NAV3: variants seen among roughly 807,000 people sequenced by gnomAD.
NAV3 encodes the protein pore membrane and/or filament interacting like protein 1.
In NAV3, 87 loss-of-function variants were observed where a neutral mutation model predicts 244.7. The observed-to-expected ratio is 0.36, with a 90% CI of 0.30 to 0.42. The LOEUF is 0.42. NAV3 is among the 20% of genes least tolerant of loss of function. The pLI, the probability that NAV3 is intolerant of heterozygous loss-of-function variation, is 1.00. For synonymous variants in NAV3, 1,126 were observed against 1,042.2 expected (o/e 1.08, Z -1.55); for missense variants, 2,663 against 2,893.3 (o/e 0.92, Z 1.83).
chr12:78,176,240 A>T (rs1204314162), intron 25 of NAV3, among the ~76,000 whole-genome samples, 199 bp from the exon 26 acceptor site: 3 of 152,086 alleles, frequency 2.0e-5, no homozygotes, highest in Admixed American at 2.0e-4. Context: ...ACCAAAAAAA[A>T]AATGTAGATT....
intron 1 of NAV3, among the ~76,000 whole-genome samples, chr12:77,859,758 CAAAAAA>C (rs61516625): frequency 4.1e-4 from 28 of 68,732 alleles, no homozygotes; most frequent in African/African-American, 1.2e-3. Context: ...CTTTCAAATG[CAAAAAA>C]AAAAAAAAAA....
At chr12:78,167,564 C>A (rs1259619535) in intron 23 of NAV3, among the ~76,000 whole-genome samples, 1 of 150,150 alleles carries the variant, frequency 6.7e-6, no homozygotes, top group Non-Finnish European at 1.5e-5. Flanking sequence ...ACCAGATATT[C>A]CCATGTATGA....
At chr12:77,613,332 G>T (rs1045398773) in intron 2 of NAV3, among the ~76,000 whole-genome samples, 1 of 152,104 alleles carries the variant, frequency 6.6e-6, no homozygotes. Flanking sequence ...GACCAGCGTT[G>T]CTGGTGTCTA....
chr12:77,913,817 G>T (rs182792695), intron 1 of NAV3, among the ~76,000 whole-genome samples: 7 of 152,208 alleles, frequency 4.6e-5, no homozygotes, highest in African/African-American at 7.2e-5. Context: ...TTCAGACAGA[G>T]AATTTAAAAG....
chr12:77,721,344 G>C (rs1397902829), intron 2 of NAV3, among the ~76,000 whole-genome samples: 1 of 151,752 alleles, frequency 6.6e-6, no homozygotes, highest in Non-Finnish European at 1.5e-5. Context: ...ATTTTGACTG[G>C]TTACTACTTT....
chr12:78,037,227 G>A (rs763034324), intron 9 of NAV3: 1 of 703,012 alleles, frequency 1.4e-6, no homozygotes. Context: ...TAGTAGGTCT[G>A]AAGATGAAAA....
At chr12:77,893,988 T>G (rs1884268393) in intron 1 of NAV3, among the ~76,000 whole-genome samples, 1 of 152,218 alleles carries the variant, frequency 6.6e-6, no homozygotes, top group Non-Finnish European at 1.5e-5. Context: ...CAAGTTATTT[T>G]TGCCTTTCAG....
intron 5 of NAV3, among the ~76,000 whole-genome samples, chr12:77,976,471 G>C (rs759144162): frequency 6.6e-6 from 1 of 151,820 alleles, no homozygotes; most frequent in Non-Finnish European, 1.5e-5. Flanking sequence ...AGCCTGTAAC[G>C]TAGGAAGAAA....
At chr12:77,576,220 G>T (rs907148475) in intron 2 of NAV3, among the ~76,000 whole-genome samples, 1 of 151,886 alleles carries the variant, frequency 6.6e-6, no homozygotes, top group Non-Finnish European at 1.5e-5. Flanking sequence ...AGAAATTATT[G>T]TATTAATTGA....
At chr12:77,639,644 T>C (rs990668874) in intron 2 of NAV3, among the ~76,000 whole-genome samples, 7 of 152,182 alleles carry the variant, frequency 4.6e-5, no homozygotes, top group African/African-American at 1.7e-4. Context: ...GGGTGCTCAG[T>C]GTTGGCTATA....
intron 2 of NAV3, among the ~76,000 whole-genome samples, chr12:77,619,755 CAT>C (rs1871288425): frequency 6.6e-6 from 1 of 151,910 alleles, no homozygotes; most frequent in African/African-American, 2.4e-5. Context: ...TTTATCTTCA[CAT>C]GTGTCTCACG....
At chr12:78,086,892 T>A (rs530400126) in intron 12 of NAV3, among the ~76,000 whole-genome samples, 16 of 152,152 alleles carry the variant, frequency 1.1e-4, no homozygotes, top group African/African-American at 3.9e-4. Context: ...TAATCTTTCA[T>A]GAAGAAGACA....
intron 2 of NAV3, among the ~76,000 whole-genome samples, chr12:77,748,645 C>CA (rs1463172569): frequency 1.1e-4 from 16 of 152,132 alleles, no homozygotes; most frequent in Non-Finnish European, 2.1e-4. Context: ...CAGGAAAAGA[C>CA]AAACACTGAA....
Position 77,831,566 on chromosome 12 carries a change from G to T in NAV3, c.105G>T (p.Gln35His), listed in dbSNP as rs774877836. 6.2e-7 allele frequency: 1 copy of T among 1,614,072 alleles called. No individual in the cohort carries two copies. Among genetic ancestry groups the T allele is most frequent in the South Asian group, 1.1e-5 (1 of 91,076 alleles). ...PIPNLGTTGS[Q>H]HCSSRPLELT... is the part of the protein sequence containing the mutation. ...CAAATCTTGGCACTACTGGGTCACA[G>T]CACTGTTCTTCAAGACCTTTGGAAC... The change falls in exon 1 of 40, where the codon CAG (glutamine) becomes CAT (histidine). Residue 35 changes from glutamine to histidine, a missense_variant. Physicochemically the swap from Gln to His is conservative, Grantham distance 24. Coordinates refer to ENST00000397909, the MANE Select transcript of NAV3 (RefSeq NM_001024383.2).
intron 1 of NAV3, among the ~76,000 whole-genome samples, chr12:77,919,043 G>A (rs1887449940): frequency 6.6e-6 from 1 of 152,000 alleles, no homozygotes; most frequent in African/African-American, 2.4e-5. Flanking sequence ...GAAGCAGAGA[G>A]CCGATTTGAA....
intron 1 of NAV3, among the ~76,000 whole-genome samples, chr12:77,879,417 TA>T (rs1565883729): frequency 6.6e-6 from 1 of 152,076 alleles, no homozygotes; most frequent in Non-Finnish European, 1.5e-5. Context: ...CCTGTATTCC[TA>T]AGACTTTGGG....
intron 1 of NAV3, among the ~76,000 whole-genome samples, chr12:77,922,269 T>C (rs1302061871): frequency 6.6e-6 from 1 of 151,986 alleles, no homozygotes; most frequent in Non-Finnish European, 1.5e-5. Flanking sequence ...TTTTTTTGGG[T>C]TTTGTTTTGA....
chr12:77,998,898 A>G (rs1368458373), intron 7 of NAV3, among the ~76,000 whole-genome samples: 4 of 152,190 alleles, frequency 2.6e-5, no homozygotes, highest in Non-Finnish European at 5.9e-5. Context: ...TTGAAACATA[A>G]TTACAGTAGG....
chr12:77,931,702 T>TA (rs1888814959), intron 1 of NAV3, among the ~76,000 whole-genome samples: 1 of 151,758 alleles, frequency 6.6e-6, no homozygotes, highest in African/African-American at 2.4e-5. Flanking sequence ...CTATCTCTAC[T>TA]AAAAAATACA....
Sources: gnomAD v4.1 joint callset for allele counts (sites outside exome capture counted in the v4.1 genomes callset) on GRCh38, gnomAD v4.1.1 for gene constraint, MANE v1.5 for transcripts, NCBI Gene and HGNC (gene_info 2026-07-23, HGNC 2026-07-21) for gene names.